Variants in ITPR3 observed in about 807,000 individuals in gnomAD.
ITPR3 encodes the protein inositol 1,4,5-trisphosphate-gated calcium channel ITPR3.
A neutral mutation model predicts 293.2 loss-of-function variants in ITPR3; 173 were observed. The ratio of observed to expected loss-of-function variants is 0.59; its 90% CI spans 0.52 to 0.67. ITPR3 has a LOEUF of 0.67. Ranked by LOEUF, ITPR3 falls within the 30% of genes least tolerant of loss-of-function variation. ITPR3 has a pLI of 0.00. For missense variants in ITPR3, 2,796 were observed against 3,592.1 expected, an observed-to-expected ratio of 0.78 and a Z score of 5.66; for synonymous variants, 1,295 against 1,444.4, an observed-to-expected ratio of 0.90 and a Z score of 2.35.
At chr6:33,649,515 G>A (rs138110550) in intron 2 of ITPR3, among the ~76,000 whole-genome samples, 3 of 152,336 alleles carry the variant, frequency 2.0e-5, no homozygotes, top group African/African-American at 2.4e-5. Flanking sequence ...GTGAGCCACC[G>A]CGCCCAGCCT....
rs1764919554 is a variant in ITPR3, at chr6:33,676,823, A to T, written c.3338A>T (p.Glu1113Val). 6.2e-7 allele frequency: 1 copy of T among 1,614,068 alleles called. No homozygotes were observed. Among genetic ancestry groups the T allele is most frequent in the Non-Finnish European group, 8.5e-7 (1 of 1,180,030 alleles). The change falls in exon 26 of 58, where the codon GAG (glutamate) becomes GTG (valine). Residue 1113 changes from glutamate to valine, a missense_variant. Physicochemically the swap from Glu to Val is moderately radical, Grantham distance 121. Around this residue, in one of 8 missense-constraint regions of ITPR3, gnomAD observed 955 missense variants for 1,180.8 expected, o/e 0.81. Transcript: ENST00000605930. ...DVENYKVIKS[E>V]LDRLRTMVEK... ...GAGAACTACAAGGTGATCAAGTCGG[A>T]GCTGGACCGGCTGCGGACCATGGTG...
At position 33,692,276 on chromosome 6, in the gene ITPR3, T is replaced by A. The variant is rs1765416407; in HGVS notation, c.7458+348T>A. Among the ~76,000 whole-genome samples the A allele has an allele frequency of 6.6e-6, 1 of 152,200 alleles. No homozygotes were observed. Among genetic ancestry groups the A allele is most frequent in the Non-Finnish European group, 1.5e-5 (1 of 68,032 alleles). Reference sequence around the variant, plus strand: ...CATGATTTGGCTTGGGCAGCCACATTCCCGAATGTCAGGCCTTCCCCTGTT... The same window carrying A: ...CATGATTTGGCTTGGGCAGCCACATACCCGAATGTCAGGCCTTCCCCTGTT... On this transcript the variant is annotated intron_variant, in intron 54 of 57. Transcript: ENST00000605930. This position sits in a 1 kb window ranked among gnomAD's most constrained non-coding sequence, Gnocchi z 4.2.
chr6:33,686,489 G>A lies in ITPR3; in HGVS notation c.5949G>A (p.Lys1983=). The change falls in exon 43 of 58, where the codon AAG becomes AAA. Residue 1983 remains lysine (K), a synonymous_variant. Transcript: ENST00000605930. ...LILNDISPLC[K]YRMDLVLQLK... ...TCAATGACATCAGCCCCCTGTGCAA[G>A]TACCGCATGGATCTGGTGCTGCAGC... The A allele has an allele frequency of 6.2e-7, 1 of 1,614,226 alleles. No individual in the cohort carries two copies. The highest frequency in any genetic ancestry group is 8.5e-7 in the Non-Finnish European group (1 of 1,180,022).
Position 33,692,874 on chromosome 6 carries a change from G to C in ITPR3, c.7605G>C (p.Lys2535Asn). The change falls in exon 55 of 58, where the codon AAG (lysine) becomes AAC (asparagine). Residue 2535 changes from lysine (K) to asparagine (N), a missense_variant. Transcript: ENST00000605930. The surrounding 1 kb of genome is among the most constrained non-coding windows in gnomAD (Gnocchi z 4.2). ...SEKQKKEEIL[K>N]TTCFICGLER... ...AGCAGAAGAAGGAGGAGATTCTTAA[G>C]ACGACATGCTTCATCTGTGGTGAGG... The C allele has an allele frequency of 6.2e-7, 1 of 1,614,130 alleles. No individual in the cohort carries two copies.
chr6:33,678,580 G>A (rs748158723), intron 29 of ITPR3, 37 bp downstream of exon 29: 2 of 1,561,700 alleles, frequency 1.3e-6, no homozygotes, highest in Non-Finnish European at 1.7e-6. Flanking sequence ...GGACGAGGCG[G>A]GGGATGGGGG....
At position 33,667,048 on chromosome 6, in the gene ITPR3, G is replaced by A; in HGVS notation, c.1552-81G>A. 1 of 1,510,072 alleles carries A rather than the reference G, an allele frequency of 6.6e-7. No homozygotes were observed. The highest frequency in any genetic ancestry group is 9.0e-7 in the Non-Finnish European group (1 of 1,110,060). 93.5% of individuals were successfully genotyped at this position (1,510,072 alleles called of 1,614,324 possible). A position where few individuals can be genotyped will look rare whatever the true frequency, so the allele number is the denominator to read the frequency against. On this transcript the variant is annotated intron_variant, in intron 14 of 57. Transcript: ENST00000605930. The surrounding 1 kb of genome is among the most constrained non-coding windows in gnomAD (Gnocchi z 4.4). ...CTGGCTTTAGGGCAGAGTCAGTTGG[G>A]ACTCAGGGATGACTCCTGGGATGAC...
chr6:33,673,554 C>T (rs756480557), intron 22 of ITPR3, 37 bp from the exon 23 acceptor site: 11 of 1,611,682 alleles, frequency 6.8e-6, no homozygotes, highest in Middle Eastern at 1.7e-4. Flanking sequence ...GATCAGTCCT[C>T]ACCCCATCCT....
intron 1 of ITPR3, among the ~76,000 whole-genome samples, chr6:33,630,782 C>T (rs1763659954): frequency 1.3e-5 from 2 of 152,182 alleles, no homozygotes; most frequent in African/African-American, 2.4e-5. Flanking sequence ...GGCTTATTGT[C>T]CTTTCTAGAC....
In ITPR3 at chr6:33,679,379, C is replaced by T. The variant is rs570100326; in HGVS notation, c.3973-503C>T. Among the ~76,000 whole-genome samples the T allele has an allele frequency of 3.3e-5, 5 of 152,194 alleles. No individual in the cohort carries two copies. Among genetic ancestry groups the T allele is most frequent in the Admixed American group, 1.3e-4 (2 of 15,284 alleles). The stretch of plus-strand genomic sequence containing the variant: ...GCCCCTGAGCATCTGACAGTGTAGG[C>T]GGCAGGGGGAGAAAGAAGCAAACAC... On this transcript the variant is annotated intron_variant, in intron 30 of 57. Transcript: ENST00000605930. This position sits in a 1 kb window ranked among gnomAD's most constrained non-coding sequence, Gnocchi z 4.2.
chr6:33,641,631 C>T (rs1024798961), intron 2 of ITPR3, among the ~76,000 whole-genome samples: 2 of 152,082 alleles, frequency 1.3e-5, no homozygotes, highest in Admixed American at 6.6e-5. Context: ...CCCCTTCACC[C>T]TACACCGTTG....
intron 39 of ITPR3, 79 bp from the exon 40 acceptor site, chr6:33,685,271 CCCCAGCAGT>C: frequency 7.6e-7 from 1 of 1,317,502 alleles, no homozygotes. Flanking sequence ...GCCCCAGCGG[CCCCAGCAGT>C]GTGGTGTGCC....
Position 33,666,078 on chromosome 6 carries a change from A to C in ITPR3, c.1551+102A>C. The C allele has an allele frequency of 2.9e-6, 4 of 1,373,502 alleles. No individual in the cohort carries two copies. The highest frequency in any genetic ancestry group is 3.9e-6 in the Non-Finnish European group (4 of 1,013,054). 85.1% of individuals were successfully genotyped at this position (1,373,502 alleles called of 1,614,324 possible). ...CCCGCTTTAACAAAAATCAGTATAT[A>C]TGGGGCACGACCACGTGCCAGGGAC... On this transcript the variant is annotated intron_variant, in intron 14 of 57. Transcript: ENST00000605930. The surrounding 1 kb of genome is among the most constrained non-coding windows in gnomAD (Gnocchi z 5.1).
intron 8 of ITPR3, 91 bp from the exon 9 acceptor site, chr6:33,662,820 C>A: frequency 6.7e-7 from 1 of 1,493,056 alleles, no homozygotes; most frequent in Non-Finnish European, 9.1e-7. Flanking sequence ...GTCCAGAACC[C>A]ACCCACCCAG....
In ITPR3 at chr6:33,668,497, T is replaced by A; in HGVS notation, c.1887-18T>A. On this transcript the variant is annotated intron_variant, in intron 16 of 57. Coordinates refer to ENST00000605930, the MANE Select transcript of ITPR3 (RefSeq NM_002224.4). Reference sequence around the variant, plus strand: ...GCCTCTGAGACCCTCTTCCCACCGCTGGCTGTCACCACCCCAGGTTCCTGG... The same window carrying A: ...GCCTCTGAGACCCTCTTCCCACCGCAGGCTGTCACCACCCCAGGTTCCTGG... 1.2e-6 allele frequency: 2 copies of A among 1,614,126 alleles called. No individual in the cohort carries two copies. The highest frequency in any genetic ancestry group is 1.7e-6 in the Non-Finnish European group (2 of 1,179,996).
At chr6:33,641,587 GC>G in intron 2 of ITPR3, among the ~76,000 whole-genome samples, 1 of 151,982 alleles carries the variant, frequency 6.6e-6, no homozygotes, top group Non-Finnish European at 1.5e-5. Flanking sequence ...GGTGGGAACT[GC>G]CCTGGCCCTG....
intron 3 of ITPR3, among the ~76,000 whole-genome samples, chr6:33,656,422 G>A (rs544553324): frequency 2.3e-4 from 35 of 152,328 alleles, no homozygotes; most frequent in Non-Finnish European, 4.4e-4. Context: ...TGGCTCTGGG[G>A]AACCCAATTT....
intron 21 of ITPR3, 134 bp from the exon 22 acceptor site, chr6:33,671,895 C>G: frequency 2.3e-6 from 2 of 884,504 alleles, no homozygotes; most frequent in Non-Finnish European, 3.5e-6. Flanking sequence ...AGCCCTGTCC[C>G]TTCCTTAGCA....
chr6:33,667,614 CTAAA>C lies in ITPR3; in HGVS notation c.1714-174_1714-171del, dbSNP rs539396913. Among the ~76,000 whole-genome samples, 129 of 152,208 alleles carry C rather than the reference CTAAA, an allele frequency of 8.5e-4. No individual in the cohort carries two copies. Among genetic ancestry groups the C allele is most frequent in the Non-Finnish European group, 1.6e-3 (108 of 68,036 alleles). On this transcript the variant is annotated intron_variant, in intron 15 of 57. Transcript: ENST00000605930. This position sits in a 1 kb window ranked among gnomAD's most constrained non-coding sequence, Gnocchi z 4.4. ...GCTCTGGTGGGAAACAGCCCACAAG[CTAAA>C]TAACTATGTAATGTAAGCCACTCTT...
rs1765146678 is a variant in ITPR3, at chr6:33,683,784, C to T, written c.4789-236C>T. 6.6e-6 allele frequency among the ~76,000 whole-genome samples: 1 copy of T among 152,130 alleles called. No homozygotes were observed. Among genetic ancestry groups the T allele is most frequent in the Non-Finnish European group, 1.5e-5 (1 of 68,010 alleles). On this transcript the variant is annotated intron_variant, in intron 35 of 57. Coordinates refer to ENST00000605930, the MANE Select transcript of ITPR3 (RefSeq NM_002224.4). This position sits in a 1 kb window ranked among gnomAD's most constrained non-coding sequence, Gnocchi z 4.5. ...GGCAGGAGACTGAGGCTCAGAGAGG[C>T]TAAGGGGTTTGCCCAAGGTCACACA... is the stretch of plus-strand genomic sequence containing the variant.
Sources: gnomAD v4.1 joint callset for allele counts (sites outside exome capture counted in the v4.1 genomes callset) on GRCh38, gnomAD v4.1.1 for gene constraint, gnomAD v4.1.1 regional missense constraint, Gnocchi (gnomAD v3.1) non-coding constraint, MANE v1.5 for transcripts, NCBI Gene and HGNC (gene_info 2026-07-23, HGNC 2026-07-21) for gene names.